Variants in SSH1 observed in about 807,000 individuals in gnomAD.
The protein encoded by SSH1 is protein phosphatase Slingshot homolog 1.
SSH1 carries 43 observed loss-of-function variants against 79.7 expected under a neutral mutation model. That is an observed-to-expected ratio of 0.54 (90% CI 0.42 to 0.70). SSH1 has a LOEUF of 0.70. SSH1 is among the 30% of genes least tolerant of loss of function. The pLI, the probability that SSH1 is intolerant of heterozygous loss-of-function variation, is 0.00. For synonymous variants in SSH1, 599 were observed against 538.3 expected, an observed-to-expected ratio of 1.11 and a Z score of -1.56; for missense variants, 1,206 against 1,358.8, an observed-to-expected ratio of 0.89 and a Z score of 1.77.
At chr12:108,802,237 G>A (rs1207613743) in intron 11 of SSH1, 85 bp downstream of exon 11, 20 of 1,293,942 alleles carry the variant, frequency 1.5e-5, no homozygotes, top group Non-Finnish European at 2.2e-5. Flanking sequence ...CAGGCAGGCA[G>A]CCCCAAGGTC....
chr12:108,852,732 C>G (rs1312446289), intron 1 of SSH1, 54 bp from the exon 2 acceptor site: 1 of 1,612,658 alleles, frequency 6.2e-7, no homozygotes, highest in Admixed American at 1.7e-5. Flanking sequence ...CAACACGCCT[C>G]GGGCGGCAGT....
chr12:108,822,575 G>A (rs981927843), intron 3 of SSH1, among the ~76,000 whole-genome samples: 7 of 152,134 alleles, frequency 4.6e-5, no homozygotes, highest in African/African-American at 7.2e-5. Context: ...GCCTCCCAAA[G>A]CACTGGGATT....
rs1293445857 is a variant in SSH1, at chr12:108,782,463, G to C, written c.*5525C>G. 5.9e-5 allele frequency: 9 copies of C among 151,882 alleles called. No homozygotes were observed. The highest frequency in any genetic ancestry group is 2.0e-4 in the Admixed American group (3 of 15,242). 9.4% of individuals were successfully genotyped at this position (151,882 alleles called of 1,614,324 possible). On this transcript the variant is annotated 3_prime_UTR_variant, in exon 15 of 15. Transcript: ENST00000326495. ...ACCACCCACAGGTGGGCCTGTTCTT[G>C]CTTACTGACAAAATTAGAAAGAAAA...
chr12:108,806,495 T>C lies in SSH1; in HGVS notation c.732-101A>G, dbSNP rs969791349. 30 of 1,082,052 alleles carry C rather than the reference T, an allele frequency of 2.8e-5. No homozygotes were observed. In the African/African-American group the frequency reaches 3.4e-4, roughly 12 times the overall value. 67.0% of individuals were successfully genotyped at this position (1,082,052 alleles called of 1,614,324 possible). ...CTCCTGGGTCTAAACAGAACACGGC[T>C]TGGCAAGGAGAGCACGCTTCTTGGT... On this transcript the variant is annotated intron_variant, in intron 8 of 14. Coordinates refer to ENST00000326495, the MANE Select transcript of SSH1 (RefSeq NM_018984.4).
chr12:108,788,134 C>A lies in SSH1; in HGVS notation c.3004G>T (p.Ala1002Ser), dbSNP rs772060419. ...CTCAAAGTGGTGTCCTGGGAGTCAG[C>A]GACGGTGGACGGGTCAGCCTCACTG... ...LSSEADPSTV[A>S]DSQDTTLSES... Residue 1002 changes from alanine to serine, a missense_variant, in exon 15 of 15, where the codon GCT becomes TCT. By Grantham distance (99) the Ala-to-Ser change is moderately conservative. Transcript: ENST00000326495. 2 of 1,613,818 alleles carry A rather than the reference C, an allele frequency of 1.2e-6. No individual in the cohort carries two copies. Among genetic ancestry groups the A allele is most frequent in the Non-Finnish European group, 8.5e-7 (1 of 1,180,018 alleles).
At chr12:108,823,495 T>A in intron 2 of SSH1, 134 bp from the exon 3 acceptor site, 7 of 749,668 alleles carry the variant, frequency 9.3e-6, no homozygotes, top group South Asian at 5.9e-5. Context: ...ACTGCTTTTA[T>A]AATAATTCCA....
intron 2 of SSH1, among the ~76,000 whole-genome samples, chr12:108,831,653 G>A (rs2038477422): frequency 6.6e-6 from 1 of 152,122 alleles, no homozygotes; most frequent in African/African-American, 2.4e-5. Context: ...AGCCTGCGAG[G>A]CCCTGAAGGA....
chr12:108,796,669 T>C (rs907476815), intron 13 of SSH1, among the ~76,000 whole-genome samples: 3 of 152,226 alleles, frequency 2.0e-5, no homozygotes, highest in Non-Finnish European at 4.4e-5. Context: ...AATGTACAAA[T>C]ATCTCTCCGA....
chr12:108,812,625 C>A (rs1045177173), intron 5 of SSH1, among the ~76,000 whole-genome samples: 4 of 152,208 alleles, frequency 2.6e-5, no homozygotes, highest in African/African-American at 9.6e-5. Flanking sequence ...AACCTAAGCC[C>A]CTAGGCCGGC....
At chr12:108,820,568 T>C (rs2038079698) in intron 3 of SSH1, among the ~76,000 whole-genome samples, 1 of 152,208 alleles carries the variant, frequency 6.6e-6, no homozygotes. Flanking sequence ...TGCTGAGATA[T>C]GGAACTGCTG....
intron 4 of SSH1, 153 bp from the exon 5 acceptor site, chr12:108,817,312 GC>G (rs1375435891): frequency 1.7e-6 from 2 of 1,148,866 alleles, no homozygotes; most frequent in East Asian, 5.6e-5. Flanking sequence ...GGTGGTTCAG[GC>G]CTGTAATCCC....
At chr12:108,811,137 G>T in intron 6 of SSH1, 123 bp downstream of exon 6, 2 of 908,386 alleles carry the variant, frequency 2.2e-6, no homozygotes, top group Non-Finnish European at 3.6e-6. Context: ...GATTTCTCCC[G>T]CTGTGACACT....
chr12:108,808,986 G>A (rs571799689), intron 7 of SSH1, among the ~76,000 whole-genome samples: 7 of 151,674 alleles, frequency 4.6e-5, no homozygotes, highest in African/African-American at 9.7e-5. Context: ...GGTGTGTACC[G>A]TCACACCTGG....
intron 6 of SSH1, among the ~76,000 whole-genome samples, chr12:108,810,486 C>T (rs560633634): frequency 3.9e-5 from 6 of 152,126 alleles, no homozygotes; most frequent in Admixed American, 1.3e-4. Context: ...CGTACCACTG[C>T]ACTCCACCCA....
At chr12:108,818,194 A>G in intron 4 of SSH1, 55 bp downstream of exon 4, 1 of 1,436,696 alleles carries the variant, frequency 7.0e-7, no homozygotes, top group East Asian at 2.3e-5. Flanking sequence ...CAAGACCCTC[A>G]TCTCACAAAA....
chr12:108,856,847 C>T (rs1255969060), intron 1 of SSH1, among the ~76,000 whole-genome samples: 2 of 152,222 alleles, frequency 1.3e-5, no homozygotes, highest in Non-Finnish European at 2.9e-5. Flanking sequence ...ACGCAGTCAC[C>T]CAATCAAGGG....
At chr12:108,801,047 G>A (rs956186253) in intron 11 of SSH1, 121 bp from the exon 12 acceptor site, 171 of 1,013,516 alleles carry the variant, frequency 1.7e-4, no homozygotes, top group Middle Eastern at 3.3e-4. Flanking sequence ...TCATATGTTC[G>A]TGGCGGGACT....
In SSH1 at chr12:108,784,038, T is replaced by C. The variant is rs963017401; in HGVS notation, c.*3950A>G. ...CCAATGAGAAGAGTTTTGGGCAAAA[T>C]GTATTCTGGCACCAACAATTTCCCA... On this transcript the variant is annotated 3_prime_UTR_variant, in exon 15 of 15. Transcript: ENST00000326495. 4.6e-5 allele frequency: 7 copies of C among 152,158 alleles called. No individual in the cohort carries two copies. The highest frequency in any genetic ancestry group is 1.7e-4 in the African/African-American group (7 of 41,430). The allele number at this position is 152,158 out of a possible 1,614,324, so 9.4% of individuals were successfully genotyped here.
intron 3 of SSH1, among the ~76,000 whole-genome samples, chr12:108,821,590 A>C (rs60565805): frequency 0.013 from 1,909 of 152,202 alleles, 40 homozygotes; most frequent in African/African-American, 0.044. Flanking sequence ...CCCATTGTAA[A>C]GACTAGGAAA....
Sources: allele counts gnomAD v4.1 joint callset (sites outside exome capture counted in the v4.1 genomes callset), GRCh38; gene constraint gnomAD v4.1.1; transcripts MANE v1.5; gene names NCBI Gene and HGNC (gene_info 2026-07-23, HGNC 2026-07-21).